Variants in XKR6 observed in about 807,000 individuals in gnomAD.
XKR6 encodes the protein XK-related protein 6.
A neutral mutation model predicts 56.7 loss-of-function variants in XKR6; 22 were observed. That is an observed-to-expected ratio of 0.39 (90% CI 0.28 to 0.55). The LOEUF (loss-of-function observed/expected upper bound fraction) is 0.55, where lower values mean the gene tolerates loss of function less well. XKR6 is among the 20% of genes least tolerant of loss of function. The pLI is 0.66. For synonymous variants in XKR6, 524 were observed against 387.8 expected, an observed-to-expected ratio of 1.35 and a Z score of -4.13; for missense variants, 852 against 889.0, an observed-to-expected ratio of 0.96 and a Z score of 0.53.
At chr8:10,935,460 C>T (rs1801182338) in intron 1 of XKR6, among the ~76,000 whole-genome samples, 1 of 104,592 alleles carries the variant, frequency 9.6e-6, no homozygotes, top group Non-Finnish European at 2.0e-5. Context: ...TGTGTTTGCT[C>T]TTGCTTTTCT....
chr8:11,103,283 G>GA, intron 1 of XKR6, among the ~76,000 whole-genome samples: 1 of 152,248 alleles, frequency 6.6e-6, no homozygotes, highest in Admixed American at 6.5e-5. Flanking sequence ...CTGGTAGTGT[G>GA]AAAAGCAATG....
intron 1 of XKR6, among the ~76,000 whole-genome samples, chr8:11,141,547 G>C (rs940484189): frequency 6.6e-6 from 1 of 152,236 alleles, no homozygotes; most frequent in African/African-American, 2.4e-5. Context: ...CTTGCAAAGA[G>C]AAACAAGTCA....
chr8:11,106,556 G>C (rs1176411846), intron 1 of XKR6: 2 of 152,386 alleles, frequency 1.3e-5, no homozygotes, highest in Admixed American at 6.5e-5. Flanking sequence ...CTACCTTTAA[G>C]ATACAATGCT....
intron 1 of XKR6, among the ~76,000 whole-genome samples, chr8:10,929,570 C>A (rs1029927069): frequency 3.3e-5 from 5 of 152,190 alleles, no homozygotes; most frequent in African/African-American, 1.2e-4. Context: ...AGGAGTTTGC[C>A]CAAAACACCT....
intron 1 of XKR6, among the ~76,000 whole-genome samples, chr8:11,038,779 G>T (rs562842083): frequency 6.6e-6 from 1 of 152,164 alleles, no homozygotes; most frequent in African/African-American, 2.4e-5. Flanking sequence ...AGGCTCAAGT[G>T]ATCCTTCCAC....
intron 1 of XKR6, among the ~76,000 whole-genome samples, chr8:11,044,208 T>C (rs1799353084): frequency 6.6e-6 from 1 of 152,226 alleles, no homozygotes; most frequent in Non-Finnish European, 1.5e-5. Context: ...GCCTCACCTT[T>C]TAACGTACAG....
chr8:11,025,791 C>T (rs1202165889), intron 1 of XKR6, among the ~76,000 whole-genome samples: 1 of 152,154 alleles, frequency 6.6e-6, no homozygotes, highest in Admixed American at 6.5e-5. Context: ...GTGACATTAG[C>T]CCTGCTTGTG....
intron 1 of XKR6, among the ~76,000 whole-genome samples, chr8:11,100,052 T>C (rs1798412543): frequency 6.6e-6 from 1 of 152,110 alleles, no homozygotes; most frequent in Non-Finnish European, 1.5e-5. Flanking sequence ...TTTTTTTCTT[T>C]TCATTTTGTT....
chr8:10,990,586 G>A (rs1280757242), intron 1 of XKR6, among the ~76,000 whole-genome samples: 4 of 152,092 alleles, frequency 2.6e-5, no homozygotes, highest in African/African-American at 9.7e-5. Context: ...GTTTGTTGTT[G>A]TTGTTGTTGT....
At position 11,055,114 on chromosome 8, in the gene XKR6, T is replaced by C. The variant is rs567632486; in HGVS notation, c.765-130284A>G. Among the ~76,000 whole-genome samples the C allele has an allele frequency of 3.9e-5, 6 of 152,276 alleles. No homozygotes were observed. In the South Asian group the frequency reaches 6.2e-4, roughly 16 times the overall value. On this transcript the variant is annotated intron_variant, in intron 1 of 2. Coordinates refer to ENST00000416569, the MANE Select transcript of XKR6 (RefSeq NM_173683.4). ...TATTAAAATGGTAAGGCTGACTTTA[T>C]TCAGGGGGACTGCCACCCAAGTATA...
chr8:10,998,914 C>A (rs558936199), intron 1 of XKR6, among the ~76,000 whole-genome samples: 2 of 152,320 alleles, frequency 1.3e-5, no homozygotes, highest in Admixed American at 1.3e-4. Flanking sequence ...CCTGAAACAG[C>A]TGTCGACCAA....
In XKR6 at chr8:10,946,520, A is replaced by AC. The variant is rs200822982; in HGVS notation, c.765-21691dup. Among the ~76,000 whole-genome samples the AC allele has an allele frequency of 3.6e-3, 541 of 151,720 alleles. 11 individuals carry two copies. Among genetic ancestry groups the AC allele is most frequent in the Admixed American group, 0.031 (467 of 15,252 alleles). On this transcript the variant is annotated intron_variant, in intron 1 of 2. Transcript: ENST00000416569. ...AAAACACTAAGGAGGTTCTTCATCC[A>AC]CCCCTCCCACCCCTGGGGGTGGCGT... is the stretch of plus-strand genomic sequence containing the variant.
At chr8:11,184,538 T>G (rs1198740866) in intron 1 of XKR6, among the ~76,000 whole-genome samples, 1 of 152,160 alleles carries the variant, frequency 6.6e-6, no homozygotes, top group African/African-American at 2.4e-5. Flanking sequence ...TGTTAGAAAC[T>G]TCAAGGCTAG....
intron 1 of XKR6, among the ~76,000 whole-genome samples, chr8:11,094,381 G>C (rs540580931): frequency 6.6e-6 from 1 of 151,980 alleles, no homozygotes; most frequent in Admixed American, 6.6e-5. Context: ...GTAGATAAGG[G>C]ATTTCACTAT....
At chr8:11,050,240 C>T (rs566828454) in intron 1 of XKR6, among the ~76,000 whole-genome samples, 2 of 152,136 alleles carry the variant, frequency 1.3e-5, no homozygotes, top group Non-Finnish European at 2.9e-5. Context: ...AATGTAACTG[C>T]GACAGGATTC....
intron 1 of XKR6, among the ~76,000 whole-genome samples, chr8:11,150,626 G>T (rs530273774): frequency 6.6e-6 from 1 of 152,154 alleles, no homozygotes; most frequent in South Asian, 2.1e-4. Context: ...GCCAAGGCGG[G>T]TGGATCACCT....
intron 1 of XKR6, among the ~76,000 whole-genome samples, chr8:11,102,159 C>T (rs924613965): frequency 1.3e-5 from 2 of 152,138 alleles, no homozygotes; most frequent in Non-Finnish European, 2.9e-5. Flanking sequence ...ACATAAACAT[C>T]GTCTTTTTCA....
Position 11,141,121 on chromosome 8 carries a change from G to A in XKR6, c.764+59455C>T, listed in dbSNP as rs142942135. 2.9e-3 allele frequency among the ~76,000 whole-genome samples: 443 copies of A among 152,290 alleles called. 4 individuals are homozygous for A. The highest frequency in any genetic ancestry group is 9.9e-3 in the African/African-American group (410 of 41,552). The stretch of plus-strand genomic sequence containing the variant: ...ACAACAATTAAACACACAGGAGAAG[G>A]GGGAGAACAGATGCAAAAGACTTTA... On this transcript the variant is annotated intron_variant, in intron 1 of 2. Transcript: ENST00000416569.
At chr8:11,053,730 T>G (rs1297257649) in intron 1 of XKR6, among the ~76,000 whole-genome samples, 1 of 152,238 alleles carries the variant, frequency 6.6e-6, no homozygotes, top group Admixed American at 6.5e-5. Flanking sequence ...CAAGATTCAC[T>G]TGTGCTGTCC....
Sources: gnomAD v4.1 joint callset for allele counts (sites outside exome capture counted in the v4.1 genomes callset) on GRCh38, gnomAD v4.1.1 for gene constraint, MANE v1.5 for transcripts, NCBI Gene and HGNC (gene_info 2026-07-23, HGNC 2026-07-21) for gene names.